FSTL4: variants seen among roughly 807,000 people sequenced by gnomAD.
FSTL4 encodes the protein follistatin-related protein 4.
A neutral mutation model predicts 78.2 loss-of-function variants in FSTL4; 28 were observed. The ratio of observed to expected loss-of-function variants is 0.36; its 90% CI spans 0.27 to 0.49. FSTL4 has a LOEUF of 0.49. Ranked by LOEUF, FSTL4 falls within the 20% of genes least tolerant of loss-of-function variation. The pLI is 0.98. For synonymous variants in FSTL4, 422 were observed against 440.5 expected, an observed-to-expected ratio of 0.96 and a Z score of 0.53; for missense variants, 922 against 1,084.9, an observed-to-expected ratio of 0.85 and a Z score of 2.11.
At chr5:133,774,671 G>T in the FSTL4 span, among the ~76,000 whole-genome samples, 1 of 152,130 alleles carries the variant, frequency 6.6e-6, no homozygotes, top group Admixed American at 6.5e-5. Flanking sequence ...CTTTCACATG[G>T]CCGGGATGGC....
intron 3 of FSTL4, among the ~76,000 whole-genome samples, chr5:133,420,773 G>A (rs1034595897): frequency 6.6e-6 from 1 of 152,246 alleles, no homozygotes; most frequent in African/African-American, 2.4e-5. Flanking sequence ...GCCCACGGGT[G>A]CATGGCTGTA....
chr5:133,352,241 T>C (rs1456031627), intron 4 of FSTL4, among the ~76,000 whole-genome samples: 1 of 131,788 alleles, frequency 7.6e-6, no homozygotes, highest in African/African-American at 2.7e-5. Flanking sequence ...CACACACATA[T>C]ATATATACAC....
intron 3 of FSTL4, among the ~76,000 whole-genome samples, chr5:133,488,687 C>A (rs1450149588): frequency 1.3e-5 from 2 of 152,134 alleles, no homozygotes; most frequent in South Asian, 2.1e-4. Context: ...AGTAAATTCC[C>A]AAACCATTGT....
chr5:133,337,464 G>A (rs147991555), intron 4 of FSTL4, among the ~76,000 whole-genome samples: 5 of 152,308 alleles, frequency 3.3e-5, no homozygotes, highest in South Asian at 2.1e-4. Context: ...AGGCTTCTTC[G>A]AGGAGTGGAT....
chr5:133,366,864 G>T (rs559891028), intron 4 of FSTL4, among the ~76,000 whole-genome samples: 1 of 152,190 alleles, frequency 6.6e-6, no homozygotes, highest in South Asian at 2.1e-4. Flanking sequence ...GCTTGAAAAG[G>T]CCAAAAAAAT....
chr5:133,267,972 G>A (rs2126843308), intron 6 of FSTL4, among the ~76,000 whole-genome samples: 1 of 152,292 alleles, frequency 6.6e-6, no homozygotes, highest in South Asian at 2.1e-4. Flanking sequence ...TGACTCTGGA[G>A]GAATTTGCTT....
At chr5:133,357,104 A>G (rs546179150) in intron 4 of FSTL4, among the ~76,000 whole-genome samples, 2 of 152,354 alleles carry the variant, frequency 1.3e-5, no homozygotes, top group East Asian at 1.9e-4. Context: ...GCAGGGACCA[A>G]TATAGCCTGC....
chr5:133,222,976 C>T (rs1751194766), intron 11 of FSTL4, among the ~76,000 whole-genome samples: 1 of 152,234 alleles, frequency 6.6e-6, no homozygotes, highest in Non-Finnish European at 1.5e-5. Context: ...TACCTACCAA[C>T]CCTATGCCCC....
the FSTL4 span, among the ~76,000 whole-genome samples, chr5:133,756,947 C>T: frequency 6.6e-6 from 1 of 152,182 alleles, no homozygotes; most frequent in Non-Finnish European, 1.5e-5. Flanking sequence ...GCTCACCCCG[C>T]CCCAGACAAT....
intron 3 of FSTL4, among the ~76,000 whole-genome samples, chr5:133,542,799 A>G (rs1471101905): frequency 2.0e-5 from 3 of 151,750 alleles, no homozygotes; most frequent in African/African-American, 7.3e-5. Flanking sequence ...CATTTCTGAT[A>G]TGTGTATTTA....
the FSTL4 span, among the ~76,000 whole-genome samples, chr5:133,806,098 G>C: frequency 6.6e-6 from 1 of 151,906 alleles, no homozygotes; most frequent in African/African-American, 2.4e-5. Flanking sequence ...ATCATCTCTG[G>C]CCCGCAAAAC....
At chr5:133,287,808 T>A (rs1158286369) in intron 6 of FSTL4, among the ~76,000 whole-genome samples, 1 of 152,210 alleles carries the variant, frequency 6.6e-6, no homozygotes, top group Non-Finnish European at 1.5e-5. Context: ...TTCCTGCCCT[T>A]TACTCCAATC....
At chr5:133,581,309 T>A (rs983215063) in intron 2 of FSTL4, among the ~76,000 whole-genome samples, 1 of 152,118 alleles carries the variant, frequency 6.6e-6, no homozygotes, top group Non-Finnish European at 1.5e-5. Context: ...CCAAGGAAAA[T>A]CCAGTTTTAT....
rs143603293 is a variant in FSTL4 at position 133,509,342 on chromosome 5, C to T, written c.160+57844G>A. ...TTTTTACAACACAGCAAAGACCTGG[C>T]CAACCTTCTCCGTCTCCTCTTTTTC... On this transcript the variant is annotated intron_variant, in intron 3 of 15. Coordinates refer to ENST00000265342, the MANE Select transcript of FSTL4 (RefSeq NM_015082.2). 1.9e-3 allele frequency among the ~76,000 whole-genome samples: 294 copies of T among 152,244 alleles called. 2 individuals carry two copies. The highest frequency in any genetic ancestry group is 0.017 in the Middle Eastern group (5 of 294).
chr5:133,664,553 C>T, the FSTL4 span, among the ~76,000 whole-genome samples: 1 of 152,178 alleles, frequency 6.6e-6, no homozygotes, highest in Non-Finnish European at 1.5e-5. Flanking sequence ...GGCAAGAAGC[C>T]AGCCTGGCTG....
At chr5:133,692,618 C>T in the FSTL4 span, among the ~76,000 whole-genome samples, 1 of 152,184 alleles carries the variant, frequency 6.6e-6, no homozygotes, top group African/African-American at 2.4e-5. Context: ...GGGCTCTGCC[C>T]TCTCCAGCAA....
chr5:133,649,301 T>C, the FSTL4 span, among the ~76,000 whole-genome samples: 1 of 152,218 alleles, frequency 6.6e-6, no homozygotes, highest in African/African-American at 2.4e-5. Flanking sequence ...TTTTGCCAAA[T>C]ATGAATAAAG....
At chr5:133,540,735 AAAAAG>A (rs1425979202) in intron 3 of FSTL4, among the ~76,000 whole-genome samples, 3 of 151,592 alleles carry the variant, frequency 2.0e-5, no homozygotes, top group African/African-American at 7.3e-5. Context: ...AAAAAAAAAA[AAAAAG>A]AAAGAAAAAA....
chr5:133,403,829 G>T (rs891368117), intron 3 of FSTL4, among the ~76,000 whole-genome samples: 9 of 152,144 alleles, frequency 5.9e-5, no homozygotes, highest in African/African-American at 1.9e-4. Flanking sequence ...TGGGGGGCTG[G>T]GGGGAGAAGC....
Sources: gnomAD v4.1 joint callset for allele counts (sites outside exome capture counted in the v4.1 genomes callset) on GRCh38, gnomAD v4.1.1 for gene constraint, MANE v1.5 for transcripts, NCBI Gene and HGNC (gene_info 2026-07-23, HGNC 2026-07-21) for gene names.